Variants in FUT8 observed in about 807,000 individuals in gnomAD.
FUT8 encodes alpha-(1,6)-fucosyltransferase.
A neutral mutation model predicts 71.3 loss-of-function variants in FUT8; 29 were observed. The ratio of observed to expected loss-of-function variants is 0.41; its 90% CI spans 0.30 to 0.55. The LOEUF is 0.55. Among genes scored for constraint, FUT8 ranks in the 20% least tolerant of loss-of-function variants. The pLI is 0.34. For missense variants in FUT8, 544 were observed against 702.1 expected, an observed-to-expected ratio of 0.77 and a Z score of 2.55; for synonymous variants, 254 against 239.3, an observed-to-expected ratio of 1.06 and a Z score of -0.57.
intron 2 of FUT8, among the ~76,000 whole-genome samples, chr14:65,526,052 G>C (rs568738854): frequency 9.9e-5 from 15 of 152,228 alleles, no homozygotes; most frequent in African/African-American, 2.9e-4. Context: ...ATTTGGGGTG[G>C]GGAGTTCTGT....
At chr14:65,418,195 C>T (rs1208212795) in intron 1 of FUT8, among the ~76,000 whole-genome samples, 4 of 152,104 alleles carry the variant, frequency 2.6e-5, no homozygotes, top group Non-Finnish European at 5.9e-5. Context: ...TGATTGTAAA[C>T]TTGAACAAAA....
intron 2 of FUT8, among the ~76,000 whole-genome samples, chr14:65,524,207 A>G (rs1009425188): frequency 6.6e-6 from 1 of 152,208 alleles, no homozygotes; most frequent in Non-Finnish European, 1.5e-5. Flanking sequence ...ATCCGTGAGC[A>G]TGGAATGTTC....
intron 2 of FUT8, among the ~76,000 whole-genome samples, chr14:65,538,481 G>A (rs1566810581): frequency 6.6e-6 from 1 of 152,144 alleles, no homozygotes; most frequent in Non-Finnish European, 1.5e-5. Flanking sequence ...CAGTTAGAGA[G>A]GTTCCTCCTG....
At chr14:65,677,135 TGTGTGTGTGTGTGTGTGC>T (rs950305672) in intron 7 of FUT8, among the ~76,000 whole-genome samples, 2 of 107,984 alleles carry the variant, frequency 1.9e-5, no homozygotes, top group African/African-American at 6.8e-5. Flanking sequence ...TGTGTGTGTG[TGTGTGTGTGTGTGTGTGC>T]GCGCGCGCAT....
chr14:65,537,506 G>A (rs1038215168), intron 2 of FUT8, among the ~76,000 whole-genome samples: 4 of 152,054 alleles, frequency 2.6e-5, no homozygotes, highest in Non-Finnish European at 1.5e-5. Context: ...TCCTGTCTCA[G>A]CCTCCTGAGT....
intron 3 of FUT8, among the ~76,000 whole-genome samples, chr14:65,590,244 C>T (rs1049861886): frequency 5.3e-5 from 8 of 152,028 alleles, no homozygotes; most frequent in Non-Finnish European, 1.0e-4. Context: ...TTTTAATAAC[C>T]GTTTGAAACA....
Position 65,743,531 on chromosome 14 carries a change from C to T in FUT8, c.*1121C>T, listed in dbSNP as rs576803618. The T allele has an allele frequency of 1.3e-4, 20 of 151,800 alleles. No homozygotes were observed. Among genetic ancestry groups the T allele is most frequent in the Non-Finnish European group, 1.8e-4 (12 of 67,868 alleles). The allele number at this position is 151,800 out of a possible 1,614,324, so 9.4% of individuals were successfully genotyped here. A position where few individuals can be genotyped will look rare whatever the true frequency, so the allele number is the denominator to read the frequency against. ...ATTATCGCTTTTTGTGAGTAGGGTC[C>T]TGTTTTATCCAGGAACCAATTTCTG... On this transcript the variant is annotated 3_prime_UTR_variant, in exon 11 of 11. Coordinates refer to ENST00000673929, the MANE Select transcript of FUT8 (RefSeq NM_001371533.1).
At chr14:65,644,525 A>G (rs79401132) in intron 6 of FUT8, among the ~76,000 whole-genome samples, 1 of 151,804 alleles carries the variant, frequency 6.6e-6, no homozygotes, top group Non-Finnish European at 1.5e-5. Context: ...ATGCCCAGCT[A>G]ATTTTTTTGT....
the FUT8 span, among the ~76,000 whole-genome samples, chr14:65,376,875 G>T: frequency 1.4e-4 from 22 of 152,188 alleles, no homozygotes; most frequent in African/African-American, 5.1e-4. Flanking sequence ...GGAGAGCAAG[G>T]TGAGTTCCTA....
chr14:65,384,530 T>C, the FUT8 span, among the ~76,000 whole-genome samples: 5 of 152,254 alleles, frequency 3.3e-5, no homozygotes, highest in African/African-American at 4.8e-5. This position sits in a 1 kb window ranked among gnomAD's most constrained non-coding sequence, Gnocchi z 4.2. Context: ...ATTTCAATTC[T>C]CTATGTTACT....
rs1228370801 is a variant in FUT8, at chr14:65,413,131, C to A, written c.-409C>A. 1 of 152,818 alleles carries A rather than the reference C, an allele frequency of 6.5e-6. No individual in the cohort carries two copies. The highest frequency in any genetic ancestry group is 6.5e-5 in the Admixed American group (1 of 15,288). 9.5% of individuals were successfully genotyped at this position (152,818 alleles called of 1,614,324 possible). A position where few individuals can be genotyped will look rare whatever the true frequency, so the allele number is the denominator to read the frequency against. On this transcript the variant is annotated 5_prime_UTR_variant, in exon 1 of 11. Coordinates refer to ENST00000673929, the MANE Select transcript of FUT8 (RefSeq NM_001371533.1). This position sits in a 1 kb window ranked among gnomAD's most constrained non-coding sequence, Gnocchi z 4.1. The stretch of plus-strand genomic sequence containing the variant: ...CACTCAGCCACCCTTCCCACTCCCC[C>A]ATCGTGGGGCAGCTGCGGCTGAGGG...
intron 1 of FUT8, among the ~76,000 whole-genome samples, chr14:65,441,355 G>T (rs2065651960): frequency 6.6e-6 from 1 of 152,130 alleles, no homozygotes; most frequent in Admixed American, 6.5e-5. Context: ...TTTTAGAAAA[G>T]TATACATATA....
intron 7 of FUT8, among the ~76,000 whole-genome samples, chr14:65,672,852 A>G (rs1892535279): frequency 1.3e-5 from 2 of 152,310 alleles, no homozygotes; most frequent in South Asian, 4.1e-4. Flanking sequence ...TAGCTTATAT[A>G]AACAATATTG....
In FUT8 at chr14:65,603,192, G is replaced by A. The variant is rs1888398499; in HGVS notation, c.204-12786G>A. ...GAGATGAGGTTTTATTCTGCTACATGTGGCTTGCCAGTTATCCTGGCATCA... is the reference window on the plus strand; with the variant it reads ...GAGATGAGGTTTTATTCTGCTACATATGGCTTGCCAGTTATCCTGGCATCA... On this transcript the variant is annotated intron_variant, in intron 3 of 10. Coordinates refer to ENST00000673929, the MANE Select transcript of FUT8 (RefSeq NM_001371533.1). The surrounding 1 kb of genome is among the most constrained non-coding windows in gnomAD (Gnocchi z 4.5). 6.6e-6 allele frequency among the ~76,000 whole-genome samples: 1 copy of A among 151,928 alleles called. No homozygotes were observed. The highest frequency in any genetic ancestry group is 2.1e-4 in the South Asian group (1 of 4,786).
intron 3 of FUT8, among the ~76,000 whole-genome samples, chr14:65,613,309 G>A (rs539242183): frequency 1.3e-5 from 2 of 152,218 alleles, no homozygotes; most frequent in South Asian, 4.2e-4. Flanking sequence ...CTGTCCTATA[G>A]TATATTGCTG....
intron 6 of FUT8, among the ~76,000 whole-genome samples, chr14:65,651,940 G>A (rs1278855839): frequency 6.6e-6 from 1 of 152,126 alleles, no homozygotes; most frequent in Non-Finnish European, 1.5e-5. Context: ...TGAAATCCCA[G>A]AAGAAGAAAA....
intron 2 of FUT8, among the ~76,000 whole-genome samples, chr14:65,461,781 C>T (rs1031663286): frequency 9.9e-5 from 15 of 152,110 alleles, no homozygotes; most frequent in Non-Finnish European, 1.5e-4. Context: ...TAATCAGGGG[C>T]GGCAGCTGAG....
intron 1 of FUT8, among the ~76,000 whole-genome samples, chr14:65,418,460 C>T (rs1183437900): frequency 6.6e-6 from 1 of 152,118 alleles, no homozygotes; most frequent in Non-Finnish European, 1.5e-5. Flanking sequence ...ATAATAAAAG[C>T]ATTGTAATGT....
At chr14:65,407,452 GT>G (rs1009497893), upstream of FUT8, among the ~76,000 whole-genome samples, 1 of 152,074 alleles carries the variant, frequency 6.6e-6, no homozygotes, top group Admixed American at 6.5e-5. Context: ...ACATTAAAAT[GT>G]TTTTAATGTA....
Sources: gnomAD v4.1 joint callset for allele counts (sites outside exome capture counted in the v4.1 genomes callset) on GRCh38, gnomAD v4.1.1 for gene constraint, Gnocchi (gnomAD v3.1) non-coding constraint, MANE v1.5 for transcripts, NCBI Gene and HGNC (gene_info 2026-07-23, HGNC 2026-07-21) for gene names.